The following WNT11 variants were observed in gnomAD, a reference collection of about 807,000 sequenced individuals.
WNT11 encodes Wnt family member 11.
WNT11 carries 20 observed loss-of-function variants against 35.6 expected under a neutral mutation model. That is an observed-to-expected ratio of 0.56 (90% CI 0.40 to 0.82). The LOEUF is 0.82. WNT11 is among the 40% of genes least tolerant of loss of function. The pLI, the probability that WNT11 is intolerant of heterozygous loss-of-function variation, is 0.00. For synonymous variants in WNT11, 200 were observed against 211.9 expected (o/e 0.94, Z 0.49); for missense variants, 459 against 504.4 (o/e 0.91, Z 0.86).
intron 3 of WNT11, 134 bp from the exon 4 acceptor site, chr11:76,191,990 T>G: frequency 2.5e-6 from 3 of 1,178,822 alleles, no homozygotes; most frequent in Non-Finnish European, 3.5e-6. Context: ...GTGATAGAGC[T>G]TTTTGCTTTA....
chr11:76,187,089 G>A lies in WNT11; in HGVS notation c.1041C>T (p.Thr347=), dbSNP rs779203205. The A allele has an allele frequency of 1.9e-6, 3 of 1,611,636 alleles. No homozygotes were observed. The highest frequency in any genetic ancestry group is 2.5e-6 in the Non-Finnish European group (3 of 1,180,022). The stretch of plus-strand genomic sequence containing the variant: ...CTCACTTGCAGACATAGCGCTCCAC[G>A]GTACGCTCACACCTGCGGCAGGTGA... The part of the protein sequence containing the change: ...CYVTCRRCER[T]VERYVCK The change falls in exon 5 of 5, where the codon ACC becomes ACT. Residue 347 remains threonine (T), a synonymous_variant. Transcript: ENST00000322563.
chr11:76,209,659 C>T (rs1953530399), upstream of WNT11, among the ~76,000 whole-genome samples: 1 of 141,372 alleles, frequency 7.1e-6, no homozygotes, highest in Non-Finnish European at 1.5e-5. Flanking sequence ...TGGCTGCGCA[C>T]GCGGCGCCGG....
chr11:76,196,351 C>T, intron 2 of WNT11, 132 bp downstream of exon 2: 1 of 1,034,642 alleles, frequency 9.7e-7, no homozygotes, highest in Admixed American at 1.8e-5. Flanking sequence ...TGCCTGTATC[C>T]ACCCGTCATT....
chr11:76,187,461 CTGT>C (rs1302396126), intron 4 of WNT11, among the ~76,000 whole-genome samples: 1 of 152,048 alleles, frequency 6.6e-6, no homozygotes. Context: ...AATGATGGGG[CTGT>C]TTTCTTTTAT....
Position 76,194,527 on chromosome 11 carries a change from C to G in WNT11, c.597+40G>C, listed in dbSNP as rs1423458773. On this transcript the variant is annotated intron_variant, in intron 3 of 4. Transcript: ENST00000322563. This position sits in a 1 kb window ranked among gnomAD's most constrained non-coding sequence, Gnocchi z 5.4. ...GGTGGCCCTTTTCTGGCCAATGGCA[C>G]AAGCACAACTATCTGGGGGTGGGTG... The G allele has an allele frequency of 7.0e-7, 1 of 1,429,740 alleles. No individual in the cohort carries two copies. The highest frequency in any genetic ancestry group is 9.2e-7 in the Non-Finnish European group (1 of 1,085,876). 88.6% of individuals were successfully genotyped at this position (1,429,740 alleles called of 1,614,324 possible).
chr11:76,206,685 C>T (rs1253442681), upstream of WNT11, among the ~76,000 whole-genome samples: 1 of 152,206 alleles, frequency 6.6e-6, no homozygotes, highest in African/African-American at 2.4e-5. Flanking sequence ...GAAGGCGTGT[C>T]TCCCAGCGTG....
At chr11:76,192,493 C>T (rs965839519) in intron 3 of WNT11, among the ~76,000 whole-genome samples, 2 of 152,264 alleles carry the variant, frequency 1.3e-5, no homozygotes. Flanking sequence ...CAAGCCACAT[C>T]GCCACTCAGG....
intron 2 of WNT11, 189 bp from the exon 3 acceptor site, chr11:76,195,033 C>T (rs191524189): frequency 7.0e-4 from 483 of 688,362 alleles, no homozygotes; most frequent in Non-Finnish European, 9.7e-4. Context: ...GACAGCCACA[C>T]TCAGGACCCC....
At position 76,206,376 on chromosome 11, in the gene WNT11, A is replaced by T; in HGVS notation, c.32T>A (p.Leu11Gln). 1 of 1,559,064 alleles carries T rather than the reference A, an allele frequency of 6.4e-7. No homozygotes were observed. The highest frequency in any genetic ancestry group is 8.6e-7 in the Non-Finnish European group (1 of 1,158,278). ...GGTCTGGAGCGCCAGGGCGAAGAGC[A>T]GCGCCTCGCAGACCTGCGGCCGCGC... MRARPQVCEA[L>Q]LFALALQTGV... The change falls in exon 1 of 5, where the codon CTG (leucine) becomes CAG (glutamine). Residue 11 changes from leucine (L) to glutamine (Q), a missense_variant. Transcript: ENST00000322563.
chr11:76,192,166 T>C (rs923870178), intron 3 of WNT11, among the ~76,000 whole-genome samples: 1 of 152,152 alleles, frequency 6.6e-6, no homozygotes, highest in Non-Finnish European at 1.5e-5. Flanking sequence ...AAGGGAGGTA[T>C]CCTTACTTCC....
At position 76,194,025 on chromosome 11, in the gene WNT11, C is replaced by T. The variant is rs1208532356; in HGVS notation, c.597+542G>A. ...AGTGAGGTGAGGAATGAATGAAAACCTGATAATAATGAATGCCGGAGGAAA... is the reference window on the plus strand; with the variant it reads ...AGTGAGGTGAGGAATGAATGAAAACTTGATAATAATGAATGCCGGAGGAAA... On this transcript the variant is annotated intron_variant, in intron 3 of 4. Transcript: ENST00000322563. The surrounding 1 kb of genome is among the most constrained non-coding windows in gnomAD (Gnocchi z 5.4). Among the ~76,000 whole-genome samples the T allele has an allele frequency of 6.6e-6, 1 of 152,092 alleles. No homozygotes were observed. The highest frequency in any genetic ancestry group is 2.4e-5 in the African/African-American group (1 of 41,410).
upstream of WNT11, among the ~76,000 whole-genome samples, chr11:76,209,128 G>T (rs1393486166): frequency 6.6e-5 from 10 of 152,136 alleles, no homozygotes; most frequent in East Asian, 1.9e-3. Flanking sequence ...CACTTGCCGT[G>T]GGCCGCCCTG....
chr11:76,210,723 C>G (rs895809800), upstream of WNT11: 34 of 963,746 alleles, frequency 3.5e-5, no homozygotes, highest in African/African-American at 4.9e-4. Context: ...CTGTGCTCGC[C>G]GCTCGCCCGA....
chr11:76,202,148 G>A (rs796618797), intron 1 of WNT11, among the ~76,000 whole-genome samples: 6 of 152,292 alleles, frequency 3.9e-5, no homozygotes, highest in African/African-American at 1.4e-4. Context: ...GGGCTCAGAG[G>A]GCCTCAGAAG....
upstream of WNT11, among the ~76,000 whole-genome samples, chr11:76,209,336 G>C (rs1378696312): frequency 6.6e-6 from 1 of 152,186 alleles, no homozygotes; most frequent in Non-Finnish European, 1.5e-5. Context: ...GCCAACAGAT[G>C]GTCATAGGCC....
intron 4 of WNT11, 123 bp downstream of exon 4, chr11:76,191,441 A>C: frequency 8.5e-7 from 1 of 1,178,070 alleles, no homozygotes; most frequent in Non-Finnish European, 1.2e-6. Context: ...AACTCTCTCA[A>C]CTGAGCAGGG....
intron 4 of WNT11, among the ~76,000 whole-genome samples, chr11:76,189,989 C>T (rs1395723455): frequency 2.0e-5 from 3 of 149,618 alleles, no homozygotes; most frequent in Non-Finnish European, 3.0e-5. Context: ...GTGCTGAGGG[C>T]GGGGCCTCCT....
intron 3 of WNT11, among the ~76,000 whole-genome samples, chr11:76,192,084 A>T (rs980821877): frequency 6.6e-6 from 1 of 152,166 alleles, no homozygotes; most frequent in African/African-American, 2.4e-5. Context: ...AGGGATAGGG[A>T]TGCCATTGTT....
At position 76,206,487 on chromosome 11, in the gene WNT11, C is replaced by A; in HGVS notation, c.-80G>T. ...CTCCGCCTGCACGGCCGCCGCTGGT[C>A]CTGCACGCCGCCTGCAGCCGGGGAG... is the stretch of plus-strand genomic sequence containing the variant. On this transcript the variant is annotated 5_prime_UTR_variant, in exon 1 of 5. Coordinates refer to ENST00000322563, the MANE Select transcript of WNT11 (RefSeq NM_004626.3). The A allele has an allele frequency of 7.9e-7, 1 of 1,269,200 alleles. No homozygotes were observed. The highest frequency in any genetic ancestry group is 2.7e-5 in the South Asian group (1 of 36,844). The allele number at this position is 1,269,200 out of a possible 1,614,324, so 78.6% of individuals were successfully genotyped here. A position where few individuals can be genotyped will look rare whatever the true frequency, so the allele number is the denominator to read the frequency against.
Sources: allele counts gnomAD v4.1 joint callset (sites outside exome capture counted in the v4.1 genomes callset), GRCh38; gene constraint gnomAD v4.1.1; non-coding constraint Gnocchi (gnomAD v3.1); transcripts MANE v1.5; gene names NCBI Gene and HGNC (gene_info 2026-07-23, HGNC 2026-07-21).